CNGB3: variants seen among roughly 807,000 people sequenced by gnomAD.
CNGB3 encodes cyclic nucleotide-gated channel beta-3.
CNGB3 carries 86 observed loss-of-function variants against 92.8 expected under a neutral mutation model. The observed-to-expected ratio is 0.93, with a 90% CI of 0.78 to 1.11. The LOEUF (loss-of-function observed/expected upper bound fraction) is 1.11. Ranked by LOEUF, CNGB3 falls within the 50% of genes least tolerant of loss-of-function variation. The pLI, the probability that CNGB3 is intolerant of heterozygous loss-of-function variation, is 0.00. For missense variants in CNGB3, 1,026 were observed against 956.8 expected (o/e 1.07, Z -0.95); for synonymous variants, 333 against 332.7 (o/e 1.00, Z -0.01).
At chr8:86,630,276 C>T (rs1328683843) in intron 11 of CNGB3, among the ~76,000 whole-genome samples, 1 of 152,118 alleles carries the variant, frequency 6.6e-6, no homozygotes, top group Non-Finnish European at 1.5e-5. Context: ...TCACCTAAGG[C>T]TGGGAGACTT....
Position 86,743,555 on chromosome 8 carries a change from G to A in CNGB3, c.73C>T (p.Arg25Cys), listed in dbSNP as rs778891741. ...GGGTGAGAGCCTTCTTCATTCCGAC[G>A]AGAACTTTGTTCATTCTCATTGTTC... The part of the protein sequence containing the change: ...GENNENEQSS[R>C]RNEEGSHPSN... The change falls in exon 1 of 18, where the codon CGT (arginine) becomes TGT (cysteine). Residue 25 changes from arginine to cysteine, a missense_variant. Coordinates refer to ENST00000320005, the MANE Select transcript of CNGB3 (RefSeq NM_019098.5). 15 of 1,613,966 alleles carry A rather than the reference G, an allele frequency of 9.3e-6. No homozygotes were observed. The highest frequency in any genetic ancestry group is 8.9e-5 in the East Asian group (4 of 44,852).
chr8:86,706,450 G>A (rs1457148550), intron 3 of CNGB3, among the ~76,000 whole-genome samples: 1 of 152,216 alleles, frequency 6.6e-6, no homozygotes, highest in Non-Finnish European at 1.5e-5. Flanking sequence ...TCATTAGTGT[G>A]AGAAAAGCAC....
chr8:86,587,504 T>A (rs77454664), intron 15 of CNGB3, among the ~76,000 whole-genome samples: 28,441 of 152,114 alleles, frequency 0.19, 3,849 homozygotes, highest in African/African-American at 0.39. Flanking sequence ...CATATTGAAT[T>A]GATTTTTATA....
intron 2 of CNGB3, among the ~76,000 whole-genome samples, chr8:86,730,641 G>C (rs1825141328): frequency 6.6e-6 from 1 of 152,128 alleles, no homozygotes; most frequent in Non-Finnish European, 1.5e-5. Context: ...TTGGAGTTAA[G>C]GACTAACAGT....
At chr8:86,580,191 G>GA (rs1821735485) in intron 15 of CNGB3, among the ~76,000 whole-genome samples, 1 of 59,184 alleles carries the variant, frequency 1.7e-5, no homozygotes, top group Non-Finnish European at 4.1e-5. Context: ...AGAATAGCAC[G>GA]GGGGGGGTGG....
intron 13 of CNGB3, among the ~76,000 whole-genome samples, chr8:86,621,685 G>A (rs1822730799): frequency 6.6e-6 from 1 of 151,928 alleles, no homozygotes; most frequent in East Asian, 1.9e-4. Flanking sequence ...TTATTCTTAT[G>A]CCCCTGCATC....
chr8:86,697,142 G>T (rs1433318190), intron 3 of CNGB3, among the ~76,000 whole-genome samples: 5 of 152,284 alleles, frequency 3.3e-5, no homozygotes, highest in Non-Finnish European at 7.4e-5. Context: ...CATATTTTGG[G>T]TGGATAGTTG....
At chr8:86,675,114 A>G (rs1823940741) in intron 3 of CNGB3, among the ~76,000 whole-genome samples, 1 of 152,050 alleles carries the variant, frequency 6.6e-6, no homozygotes, top group Admixed American at 6.5e-5. Context: ...GTCCACCACC[A>G]CACCTGGCTA....
chr8:86,613,251 T>A (rs1281410044), intron 13 of CNGB3, among the ~76,000 whole-genome samples: 1 of 152,232 alleles, frequency 6.6e-6, no homozygotes, highest in Non-Finnish European at 1.5e-5. Flanking sequence ...TCCTACTATG[T>A]CTGATAGGTT....
chr8:86,657,318 G>C (rs995172), intron 6 of CNGB3: 7,302 of 376,318 alleles, frequency 0.019, 126 homozygotes, highest in Middle Eastern at 0.048. Context: ...GGGGTGGTAA[G>C]GACCTGGTGG....
rs190382398 is a variant in CNGB3, at chr8:86,611,423, G to A, written c.1662+165C>T. Among the ~76,000 whole-genome samples the A allele has an allele frequency of 1.3e-5, 2 of 152,182 alleles. 1 individual carries two copies. The highest frequency in any genetic ancestry group is 1.3e-4 in the Admixed American group (2 of 15,280). The stretch of plus-strand genomic sequence containing the variant: ...AATCCATATTGTCTTGTTCCTTTGT[G>A]AACTCTGAGAGCACGTTATTGCTGT... On this transcript the variant is annotated intron_variant, in intron 14 of 17. Transcript: ENST00000320005.
chr8:86,591,334 T>G lies in CNGB3; in HGVS notation c.1782-12082A>C, dbSNP rs1400447388. Among the ~76,000 whole-genome samples the G allele has an allele frequency of 3.3e-4, 12 of 36,344 alleles. No homozygotes were observed. The South Asian group carries it at 6.9e-3, about 21-fold the overall frequency. The allele number at this position is 36,344 out of a possible 152,430, so 23.8% of individuals were successfully genotyped here. A position where few individuals can be genotyped will look rare whatever the true frequency, so the allele number is the denominator to read the frequency against. ...TTTGATCGTCTGAAGCCTTCTTCTC[T>G]CAGCTCGTCAAAGTCATTCTCCGTC... On this transcript the variant is annotated intron_variant, in intron 15 of 17. Coordinates refer to ENST00000320005, the MANE Select transcript of CNGB3 (RefSeq NM_019098.5).
chr8:86,659,579 G>C (rs1823590639), intron 6 of CNGB3: 1 of 562,156 alleles, frequency 1.8e-6, no homozygotes. Flanking sequence ...CTTCTGCTAT[G>C]TAGAGACAGC....
At chr8:86,680,538 C>A (rs12549812) in intron 3 of CNGB3, among the ~76,000 whole-genome samples, 3 of 152,138 alleles carry the variant, frequency 2.0e-5, no homozygotes, top group Admixed American at 2.0e-4. Flanking sequence ...GTAGGTTGCT[C>A]TCTTTTTGAC....
chr8:86,734,348 G>C (rs1445045408), intron 2 of CNGB3, among the ~76,000 whole-genome samples: 1 of 152,120 alleles, frequency 6.6e-6, no homozygotes, highest in Non-Finnish European at 1.5e-5. Context: ...TCTTGGCTGT[G>C]GAAAGCTATT....
At chr8:86,659,377 A>G in intron 6 of CNGB3, 1 of 830,146 alleles carries the variant, frequency 1.2e-6, no homozygotes, top group South Asian at 1.4e-5. Context: ...TGGCTTGAGG[A>G]CTATTGAAGC....
chr8:86,580,408 T>A (rs1050747871), intron 15 of CNGB3, among the ~76,000 whole-genome samples: 1 of 152,242 alleles, frequency 6.6e-6, no homozygotes. Context: ...GTTTCCCACC[T>A]GGGCTCTGGC....
At chr8:86,661,507 A>G in intron 6 of CNGB3, 1 of 650,008 alleles carries the variant, frequency 1.5e-6, no homozygotes, top group Non-Finnish European at 2.9e-6. Context: ...ACTGACCCAA[A>G]CACCACATCA....
chr8:86,699,420 T>G (rs1012964266), intron 3 of CNGB3, among the ~76,000 whole-genome samples: 1 of 152,088 alleles, frequency 6.6e-6, no homozygotes, highest in African/African-American at 2.4e-5. Context: ...GAGGATTGCT[T>G]GAGGTGAGGA....
Sources: gnomAD v4.1 joint callset for allele counts (sites outside exome capture counted in the v4.1 genomes callset) on GRCh38, gnomAD v4.1.1 for gene constraint, MANE v1.5 for transcripts, NCBI Gene and HGNC (gene_info 2026-07-23, HGNC 2026-07-21) for gene names.